The following WASF1 variants were observed in gnomAD, a reference collection of about 807,000 sequenced individuals.
WASF1 encodes WASP family member 1.
A neutral mutation model predicts 50.5 loss-of-function variants in WASF1; 7 were observed. The observed-to-expected ratio is 0.14, with a 90% CI of 0.08 to 0.26. WASF1 has a LOEUF of 0.26. WASF1 is among the 10% of genes least tolerant of loss of function. The probability of loss-of-function intolerance (pLI) is 1.00; values close to 1 mark genes in which losing one functional copy is unlikely to be tolerated. For synonymous variants in WASF1, 205 were observed against 244.0 expected (o/e 0.84, Z 1.49); for missense variants, 470 against 694.7 (o/e 0.68, Z 3.64).
At chr6:110,165,470 T>A (rs1162774639) in intron 2 of WASF1, among the ~76,000 whole-genome samples, 1 of 151,636 alleles carries the variant, frequency 6.6e-6, no homozygotes, top group Non-Finnish European at 1.5e-5. Flanking sequence ...ACAATTAAAA[T>A]TTTAAATGTC....
At chr6:110,148,934 T>C (rs978035336) in intron 3 of WASF1, among the ~76,000 whole-genome samples, 1 of 152,240 alleles carries the variant, frequency 6.6e-6, no homozygotes, top group Non-Finnish European at 1.5e-5. Flanking sequence ...GCCCAAGTTC[T>C]TGGCTTAAGA....
chr6:110,116,607 C>T (rs1346741290), intron 4 of WASF1, among the ~76,000 whole-genome samples: 2 of 152,208 alleles, frequency 1.3e-5, no homozygotes, highest in Non-Finnish European at 2.9e-5. Context: ...CGTAGTAGAA[C>T]AAAAAGCAGC....
At chr6:110,161,245 G>C (rs972773200) in intron 2 of WASF1, among the ~76,000 whole-genome samples, 1 of 151,518 alleles carries the variant, frequency 6.6e-6, no homozygotes, top group African/African-American at 2.4e-5. Flanking sequence ...GTACTAAATA[G>C]TGTATTACAT....
At chr6:110,155,230 C>T (rs1776007950) in intron 3 of WASF1, among the ~76,000 whole-genome samples, 1 of 151,980 alleles carries the variant, frequency 6.6e-6, no homozygotes, top group African/African-American at 2.4e-5. Flanking sequence ...TTATTTTTGG[C>T]CTCGATATAC....
Position 110,175,125 on chromosome 6 carries a change from GC to G in WASF1, c.-127+3472del, listed in dbSNP as rs1182205277. On this transcript the variant is annotated intron_variant, in intron 2 of 10. Coordinates refer to ENST00000392589, the MANE Select transcript of WASF1 (RefSeq NM_003931.3). ...TACAAGATGCCCCGTATTTTATGGGGCAATAATCCATCTTTATATCTTCATA... is the reference window on the plus strand; with the variant it reads ...TACAAGATGCCCCGTATTTTATGGGGAATAATCCATCTTTATATCTTCATA... Among the ~76,000 whole-genome samples the G allele has an allele frequency of 1.3e-4, 20 of 151,994 alleles. No individual in the cohort carries two copies. In the East Asian group the frequency reaches 1.5e-3, roughly 12 times the overall value.
intron 4 of WASF1, among the ~76,000 whole-genome samples, chr6:110,119,535 G>A (rs1773985195): frequency 6.6e-6 from 1 of 152,112 alleles, no homozygotes; most frequent in African/African-American, 2.4e-5. Flanking sequence ...TTCTGAAATT[G>A]AGGCAATATT....
intron 5 of WASF1, among the ~76,000 whole-genome samples, chr6:110,110,820 G>GT (rs140344157): frequency 0.027 from 4,025 of 147,900 alleles, 172 homozygotes; most frequent in African/African-American, 0.093. Context: ...TACACATGAT[G>GT]TTTTTTTTTT....
At chr6:110,112,681 C>A (rs1773613966) in intron 5 of WASF1, among the ~76,000 whole-genome samples, 1 of 151,978 alleles carries the variant, frequency 6.6e-6, no homozygotes, top group South Asian at 2.1e-4. Flanking sequence ...GTGGGCAGAT[C>A]ACAAGGTCAG....
intron 3 of WASF1, among the ~76,000 whole-genome samples, chr6:110,136,743 TTTTGC>T (rs1437219528): frequency 6.6e-6 from 1 of 152,230 alleles, no homozygotes; most frequent in African/African-American, 2.4e-5. Context: ...AGCTGCTGCC[TTTTGC>T]TTTATTTTTC....
chr6:110,131,722 CA>C (rs1774679920), intron 3 of WASF1, among the ~76,000 whole-genome samples: 1 of 152,116 alleles, frequency 6.6e-6, no homozygotes, highest in Non-Finnish European at 1.5e-5. Context: ...AGGCTGGTCT[CA>C]AACTCCTCAG....
chr6:110,136,474 T>A (rs1480443387), intron 3 of WASF1, among the ~76,000 whole-genome samples: 2 of 152,230 alleles, frequency 1.3e-5, no homozygotes, highest in Admixed American at 6.5e-5. Context: ...TCTACTGGTC[T>A]ATCAGAGAGA....
intron 2 of WASF1, among the ~76,000 whole-genome samples, chr6:110,166,412 C>T (rs111982200): frequency 0.013 from 1,940 of 151,870 alleles, 47 homozygotes; most frequent in African/African-American, 0.045. Context: ...ATCCTGAAGA[C>T]AATGAGAACA....
chr6:110,113,712 A>C (rs557015209), intron 4 of WASF1, among the ~76,000 whole-genome samples: 2 of 152,300 alleles, frequency 1.3e-5, no homozygotes, highest in Non-Finnish European at 1.5e-5. Flanking sequence ...CAATAAATAC[A>C]TTGAAAATTT....
intron 3 of WASF1, among the ~76,000 whole-genome samples, chr6:110,140,758 T>A (rs1039009506): frequency 1.3e-5 from 2 of 152,044 alleles, no homozygotes; most frequent in Admixed American, 6.6e-5. Context: ...AGTACTGAAC[T>A]CCCCCTTCTT....
intron 3 of WASF1, among the ~76,000 whole-genome samples, chr6:110,154,944 A>G (rs559048865): frequency 2.0e-5 from 3 of 152,216 alleles, no homozygotes; most frequent in African/African-American, 7.2e-5. Flanking sequence ...GAACATCCTA[A>G]TGCCAAATAA....
chr6:110,116,621 C>G (rs955090319), intron 4 of WASF1, among the ~76,000 whole-genome samples: 1 of 152,238 alleles, frequency 6.6e-6, no homozygotes, highest in Non-Finnish European at 1.5e-5. Flanking sequence ...AAGCAGCAGA[C>G]AGCTTCTGCA....
At chr6:110,137,512 G>A (rs1479566638) in intron 3 of WASF1, among the ~76,000 whole-genome samples, 1 of 152,198 alleles carries the variant, frequency 6.6e-6, no homozygotes, top group African/African-American at 2.4e-5. Flanking sequence ...TGGGACCTCA[G>A]TCACGTGACA....
intron 3 of WASF1, among the ~76,000 whole-genome samples, chr6:110,150,205 A>G (rs1371768706): frequency 6.6e-6 from 1 of 152,232 alleles, no homozygotes; most frequent in East Asian, 1.9e-4. Flanking sequence ...TGAAAGGAAT[A>G]GAAAAGAAGT....
chr6:110,135,569 G>A (rs894489636), intron 3 of WASF1, among the ~76,000 whole-genome samples: 36 of 152,102 alleles, frequency 2.4e-4, no homozygotes, highest in African/African-American at 8.0e-4. Context: ...TGAGATGTAT[G>A]TGGTAGGGAG....
Sources: allele counts gnomAD v4.1 joint callset (sites outside exome capture counted in the v4.1 genomes callset), GRCh38; gene constraint gnomAD v4.1.1; transcripts MANE v1.5; gene names NCBI Gene and HGNC (gene_info 2026-07-23, HGNC 2026-07-21).